The following PPM1E variants were observed in gnomAD, a reference collection of about 807,000 sequenced individuals.
PPM1E encodes the protein protein phosphatase, Mg2+/Mn2+ dependent 1E, also known as protein phosphatase 1E.
A neutral mutation model predicts 65.9 loss-of-function variants in PPM1E; 20 were observed. The observed-to-expected ratio is 0.30, with a 90% CI of 0.21 to 0.44. PPM1E has a LOEUF of 0.44. Ranked by LOEUF, PPM1E falls within the 20% of genes least tolerant of loss-of-function variation. PPM1E has a pLI of 1.00. For missense variants in PPM1E, 713 were observed against 953.1 expected (o/e 0.75, Z 3.32); for synonymous variants, 352 against 374.9 (o/e 0.94, Z 0.70).
intron 1 of PPM1E, among the ~76,000 whole-genome samples, chr17:58,914,689 C>T (rs954991194): frequency 6.6e-6 from 1 of 152,058 alleles, no homozygotes; most frequent in African/African-American, 2.4e-5. Flanking sequence ...ATATCACCAC[C>T]AGTGATATTA....
rs1401743323 is a variant in PPM1E at position 58,980,844 on chromosome 17, A to G, written c.2081A>G (p.Gln694Arg). Reference protein sequence around the residue: ...NPKFYSFLSAQEPSHKIGTSL... With the variant: ...NPKFYSFLSAREPSHKIGTSL... ...AAGTTTTATTCATTTCTCTCTGCTC[A>G]AGAGCCTTCCCACAAAATAGGCACT... The change falls in exon 7 of 7, where the codon CAA becomes CGA. Residue 694 changes from glutamine to arginine, a missense_variant. Gln to Arg is a conservative substitution (Grantham distance 43). Coordinates refer to ENST00000308249, the MANE Select transcript of PPM1E (RefSeq NM_014906.5). This position sits in a 1 kb window ranked among gnomAD's most constrained non-coding sequence, Gnocchi z 4.7. 1 of 1,614,204 alleles carries G rather than the reference A, an allele frequency of 6.2e-7. No homozygotes were observed. The highest frequency in any genetic ancestry group is 1.7e-5 in the Admixed American group (1 of 60,028).
intron 1 of PPM1E, among the ~76,000 whole-genome samples, chr17:58,839,523 A>G (rs1598603750): frequency 6.6e-6 from 1 of 152,192 alleles, no homozygotes; most frequent in Non-Finnish European, 1.5e-5. Flanking sequence ...GGAACTGTAC[A>G]AGAGTACTTA....
intron 1 of PPM1E, among the ~76,000 whole-genome samples, chr17:58,760,927 A>G (rs1343394244): frequency 6.6e-6 from 1 of 152,208 alleles, no homozygotes; most frequent in African/African-American, 2.4e-5. Flanking sequence ...GGTATAGTCT[A>G]AGAGGGTTGC....
rs1163979989 is a variant in PPM1E, at chr17:58,805,949, T to TAAAAAAAAAAAAAAA, written c.464+49499_464+49500insAAAAAAAAAAAAAAA. On this transcript the variant is annotated intron_variant, in intron 1 of 6. Transcript: ENST00000308249. ...TAATAGGAGGTTCAGGCTGTTCTGC[T>TAAAAAAAAAAAAAAA]AAAAAAAAAAACAAAAAAAAAAAAC... 1.9e-3 allele frequency among the ~76,000 whole-genome samples: 41 copies of TAAAAAAAAAAAAAAA among 21,554 alleles called. 6 individuals carry two copies. Among genetic ancestry groups the TAAAAAAAAAAAAAAA allele is most frequent in the African/African-American group, 3.3e-3 (16 of 4,824 alleles). 14.1% of individuals were successfully genotyped at this position (21,554 alleles called of 152,430 possible). A position where few individuals can be genotyped will look rare whatever the true frequency, so the allele number is the denominator to read the frequency against.
At chr17:58,816,741 A>AAT (rs67568496) in intron 1 of PPM1E, among the ~76,000 whole-genome samples, 24 of 85,266 alleles carry the variant, frequency 2.8e-4, no homozygotes, top group Non-Finnish European at 4.5e-4. Flanking sequence ...TCAGAATATA[A>AAT]ATATATATAT....
intron 1 of PPM1E, among the ~76,000 whole-genome samples, chr17:58,926,974 T>C (rs2051830281): frequency 6.6e-6 from 1 of 152,124 alleles, no homozygotes; most frequent in Non-Finnish European, 1.5e-5. Context: ...TTGACTAACA[T>C]TGAATTCAGA....
At chr17:58,947,110 GTTTTTTTTT>G (rs56666470) in intron 1 of PPM1E, among the ~76,000 whole-genome samples, 1 of 44,072 alleles carries the variant, frequency 2.3e-5, no homozygotes, top group Non-Finnish European at 3.7e-5. Context: ...CCTTTTTCCT[GTTTTTTTTT>G]TTTTTTTTTT....
rs2050424503 is a variant in PPM1E, at chr17:58,816,773, TATATATATATATATA to T, written c.464+60313_464+60327del. On this transcript the variant is annotated intron_variant, in intron 1 of 6. Coordinates refer to ENST00000308249, the MANE Select transcript of PPM1E (RefSeq NM_014906.5). ...ATATATATATATATATATATATATATATATATATATATATATATATATTTTTTTTTTTTTTTTTTT... is the reference window on the plus strand; with the variant it reads ...ATATATATATATATATATATATATATTATATATTTTTTTTTTTTTTTTTTT... 1.6e-4 allele frequency among the ~76,000 whole-genome samples: 3 copies of T among 18,336 alleles called. 1 individual carries two copies. The highest frequency in any genetic ancestry group is 3.5e-4 in the African/African-American group (2 of 5,760). 12.0% of individuals were successfully genotyped at this position (18,336 alleles called of 152,430 possible). A position where few individuals can be genotyped will look rare whatever the true frequency, so the allele number is the denominator to read the frequency against.
intron 4 of PPM1E, among the ~76,000 whole-genome samples, chr17:58,970,524 T>C (rs10221208): frequency 0.38 from 57,514 of 151,950 alleles, 11,091 homozygotes; most frequent in Middle Eastern, 0.51. Context: ...TAACTCTTTT[T>C]AAAATGGGCT....
rs2049759834 is a variant in PPM1E at position 58,756,139 on chromosome 17, G to A, written c.142G>A (p.Glu48Lys). 6.2e-7 allele frequency: 1 copy of A among 1,602,618 alleles called. No homozygotes were observed. Among genetic ancestry groups the A allele is most frequent in the South Asian group, 1.1e-5 (1 of 89,686 alleles). Residue 48 changes from glutamate (E) to lysine (K), a missense_variant, in exon 1 of 7, where the codon GAG becomes AAG. Physicochemically the swap from Glu to Lys is moderately conservative, Grantham distance 56. This residue lies in a region of PPM1E where 212 missense variants were observed against 204.0 expected (regional missense o/e 1.04). Transcript: ENST00000308249. ...CGAACCCGAACCCGAGTCCGAGCCC[G>A]AGCCCGAACCTGAACTGGTAGAAGC... ...EPEPEPESEPEPEPELVEAEA... is the reference protein window; with the variant it reads ...EPEPEPESEPKPEPELVEAEA...
chr17:58,951,687 AAAAG>A (rs1403459205), intron 1 of PPM1E, among the ~76,000 whole-genome samples: 2 of 151,664 alleles, frequency 1.3e-5, no homozygotes, highest in Non-Finnish European at 2.9e-5. Context: ...AAAAAAAAAA[AAAAG>A]AAAGAAAAAT....
In PPM1E at chr17:58,830,292, G is replaced by GTTGTTATTATTATTA. The variant is rs1555612724; in HGVS notation, c.464+73833_464+73834insGTTATTATTATTATT. Among the ~76,000 whole-genome samples, 638 of 146,818 alleles carry GTTGTTATTATTATTA rather than the reference G, an allele frequency of 4.3e-3. 1 individual carries two copies. The highest frequency in any genetic ancestry group is 0.014 in the Middle Eastern group (4 of 278). On this transcript the variant is annotated intron_variant, in intron 1 of 6. Coordinates refer to ENST00000308249, the MANE Select transcript of PPM1E (RefSeq NM_014906.5). ...AGCTTTCACTGTTGTTGTTGTTGTT[G>GTTGTTATTATTATTA]TTATTATTATTATTATTATTATTAT...
intron 1 of PPM1E, among the ~76,000 whole-genome samples, chr17:58,770,147 T>C (rs2049922394): frequency 6.6e-6 from 1 of 152,148 alleles, no homozygotes; most frequent in Non-Finnish European, 1.5e-5. Flanking sequence ...TACTGTAACA[T>C]AGTTTTGGAA....
At chr17:58,784,629 A>G (rs1156532615) in intron 1 of PPM1E, among the ~76,000 whole-genome samples, 1 of 151,468 alleles carries the variant, frequency 6.6e-6, no homozygotes, top group Non-Finnish European at 1.5e-5. Context: ...GGTTCAAGCA[A>G]TGCTCCTGCC....
chr17:58,945,058 C>T (rs1196402221), intron 1 of PPM1E, among the ~76,000 whole-genome samples: 3 of 151,572 alleles, frequency 2.0e-5, no homozygotes, highest in Non-Finnish European at 4.4e-5. Flanking sequence ...AATGGTTTCT[C>T]ATTGTGGTTT....
Position 58,979,995 on chromosome 17 carries a change from A to G in PPM1E, c.1232A>G (p.Tyr411Cys), listed in dbSNP as rs1438064491. The change falls in exon 7 of 7, where the codon TAT becomes TGT. Residue 411 changes from tyrosine to cysteine, a missense_variant. Physicochemically the swap from Tyr to Cys is radical, Grantham distance 194 (BLOSUM62 -2). Transcript: ENST00000308249. ...GCAGGAGATGCTGAACATAAGCCAT[A>G]TATCTGTGGGGATGCAGATTCTGCC... ...RAIGDAEHKP[Y>C]ICGDADSAST... 4.3e-6 allele frequency: 7 copies of G among 1,613,630 alleles called. No individual in the cohort carries two copies. Among genetic ancestry groups the G allele is most frequent in the East Asian group, 2.2e-5 (1 of 44,872 alleles).
chr17:58,832,071 T>C (rs2050611740), intron 1 of PPM1E, among the ~76,000 whole-genome samples: 1 of 152,232 alleles, frequency 6.6e-6, no homozygotes, highest in African/African-American at 2.4e-5. Context: ...ATCCTAATTC[T>C]ACACCTTAGA....
At chr17:58,758,360 T>C (rs2049789580) in intron 1 of PPM1E, among the ~76,000 whole-genome samples, 1 of 151,954 alleles carries the variant, frequency 6.6e-6, no homozygotes, top group Non-Finnish European at 1.5e-5. Flanking sequence ...AAACTGCGTC[T>C]CTACTAAAAA....
chr17:58,759,261 A>T (rs1045671163), intron 1 of PPM1E, among the ~76,000 whole-genome samples: 1 of 152,194 alleles, frequency 6.6e-6, no homozygotes, highest in African/African-American at 2.4e-5. Flanking sequence ...GTCTCAAAAA[A>T]AAAAGTTACC....
Sources: allele counts gnomAD v4.1 joint callset (sites outside exome capture counted in the v4.1 genomes callset), GRCh38; gene constraint gnomAD v4.1.1; regional missense constraint gnomAD v4.1.1; non-coding constraint Gnocchi (gnomAD v3.1); transcripts MANE v1.5; gene names NCBI Gene and HGNC (gene_info 2026-07-23, HGNC 2026-07-21).